Variants in RBM19 observed in about 807,000 individuals in gnomAD.
RBM19 encodes the protein probable RNA-binding protein 19.
In RBM19, 94 loss-of-function variants were observed where a neutral mutation model predicts 116.8. The observed-to-expected ratio is 0.80, with a 90% CI of 0.68 to 0.95. The LOEUF (loss-of-function observed/expected upper bound fraction) is 0.95, where lower values mean the gene tolerates loss of function less well. RBM19 is among the 40% of genes least tolerant of loss of function. The pLI is 0.00. For synonymous variants in RBM19, 475 were observed against 494.1 expected (o/e 0.96, Z 0.51); for missense variants, 1,161 against 1,220.7 (o/e 0.95, Z 0.73).
intron 21 of RBM19, among the ~76,000 whole-genome samples, chr12:113,899,251 C>G (rs1881527003): frequency 6.6e-6 from 1 of 152,214 alleles, no homozygotes; most frequent in African/African-American, 2.4e-5. Flanking sequence ...TAGTTAGCAG[C>G]AGGGCTGGGA....
chr12:113,928,014 T>C (rs1253215554), intron 16 of RBM19, among the ~76,000 whole-genome samples: 1 of 152,208 alleles, frequency 6.6e-6, no homozygotes, highest in African/African-American at 2.4e-5. Flanking sequence ...TATATAACTG[T>C]AATTTTAGAA....
At chr12:113,922,851 A>G (rs1868713308) in intron 18 of RBM19, among the ~76,000 whole-genome samples, 1 of 152,184 alleles carries the variant, frequency 6.6e-6, no homozygotes, top group Non-Finnish European at 1.5e-5. Flanking sequence ...ATGAGGTCAC[A>G]GGCCAGGCGC....
Position 113,944,093 on chromosome 12 carries a change from G to GTTTTTTT in RBM19, c.1627-1666_1627-1660dup, listed in dbSNP as rs71433305. Among the ~76,000 whole-genome samples the GTTTTTTT allele has an allele frequency of 1.0e-3, 69 of 67,652 alleles. 2 individuals are homozygous for GTTTTTTT. The highest frequency in any genetic ancestry group is 4.2e-3 in the African/African-American group (67 of 15,864). 44.4% of individuals were successfully genotyped at this position (67,652 alleles called of 152,430 possible). A position where few individuals can be genotyped will look rare whatever the true frequency, so the allele number is the denominator to read the frequency against. On this transcript the variant is annotated intron_variant, in intron 13 of 23. Coordinates refer to ENST00000261741, the MANE Select transcript of RBM19 (RefSeq NM_016196.4). ...CAGCTGCCTCTAACTCCAGATGCATGTTTTTTTTTTTTTTTTTTTTTTTTG... is the reference window on the plus strand; with the variant it reads ...CAGCTGCCTCTAACTCCAGATGCATGTTTTTTTTTTTTTTTTTTTTTTTTTTTTTTTG...
At chr12:113,920,759 G>A in intron 18 of RBM19, 69 bp from the exon 19 acceptor site, 2 of 1,411,046 alleles carry the variant, frequency 1.4e-6, no homozygotes, top group Non-Finnish European at 1.0e-6. Context: ...CAAGGGCTGT[G>A]ACGGGCCCCC....
chr12:113,939,439 T>G (rs1340450682), intron 15 of RBM19, among the ~76,000 whole-genome samples: 1 of 152,208 alleles, frequency 6.6e-6, no homozygotes, highest in Non-Finnish European at 1.5e-5. Flanking sequence ...GCATGCTTTC[T>G]GGAGGATGGT....
At chr12:113,919,525 C>G (rs1004068774) in intron 19 of RBM19, among the ~76,000 whole-genome samples, 1 of 152,150 alleles carries the variant, frequency 6.6e-6, no homozygotes, top group Admixed American at 6.5e-5. Flanking sequence ...GAGCCGAGAT[C>G]GCGCCACTGC....
chr12:113,927,026 C>T (rs772562771), intron 17 of RBM19, 28 bp downstream of exon 17: 33 of 1,601,122 alleles, frequency 2.1e-5, no homozygotes, highest in Non-Finnish European at 1.6e-5. Context: ...TCCCACGCCC[C>T]TCCCTCCTGG....
At chr12:113,836,591 T>C (rs1875911569) in intron 23 of RBM19, among the ~76,000 whole-genome samples, 1 of 152,044 alleles carries the variant, frequency 6.6e-6, no homozygotes, top group Non-Finnish European at 1.5e-5. Context: ...TGGAGCATAA[T>C]GAGTTACTGT....
chr12:113,832,387 G>A (rs531409707), intron 23 of RBM19, among the ~76,000 whole-genome samples: 4 of 152,000 alleles, frequency 2.6e-5, no homozygotes, highest in African/African-American at 4.8e-5. Context: ...ACAGGGCTTC[G>A]CTGTGTTGGC....
intron 14 of RBM19, 41 bp downstream of exon 14, chr12:113,942,283 C>T: frequency 2.5e-6 from 4 of 1,572,484 alleles, no homozygotes; most frequent in South Asian, 1.1e-5. Flanking sequence ...TCTCGACTCT[C>T]CAGTGGCTGC....
At chr12:113,841,422 CT>C (rs71089416) in intron 23 of RBM19, among the ~76,000 whole-genome samples, 3,353 of 129,970 alleles carry the variant, frequency 0.026, 89 homozygotes, top group African/African-American at 0.086. Flanking sequence ...TTTTTCTTTT[CT>C]TTTTTTTTTT....
chr12:113,885,202 G>A (rs1039896122), intron 21 of RBM19, among the ~76,000 whole-genome samples: 13 of 152,218 alleles, frequency 8.5e-5, no homozygotes, highest in Admixed American at 1.3e-4. Flanking sequence ...AGAAAACCTG[G>A]CTGAAACTAC....
Position 113,861,936 on chromosome 12 carries a change from C to A in RBM19, c.2559-3040G>T, listed in dbSNP as rs116121034. Among the ~76,000 whole-genome samples, 1,089 of 152,174 alleles carry A rather than the reference C, an allele frequency of 7.2e-3. 10 individuals carry two copies. Among genetic ancestry groups the A allele is most frequent in the African/African-American group, 0.021 (874 of 41,510 alleles). On this transcript the variant is annotated intron_variant, in intron 21 of 23. Coordinates refer to ENST00000261741, the MANE Select transcript of RBM19 (RefSeq NM_016196.4). ...AGACATCAGCATGACAAATGAAACG[C>A]CACCCACAAAGACTCTAGAAGCTTC... is the stretch of plus-strand genomic sequence containing the variant.
intron 14 of RBM19, among the ~76,000 whole-genome samples, chr12:113,941,501 A>C (rs939958305): frequency 2.8e-5 from 4 of 143,716 alleles, no homozygotes; most frequent in African/African-American, 1.1e-4. Flanking sequence ...GTGCTTTGGT[A>C]AGTCTTAATA....
chr12:113,966,122 C>A (rs892979988), intron 1 of RBM19, 70 bp downstream of exon 1: 9 of 1,596,270 alleles, frequency 5.6e-6, no homozygotes, highest in Non-Finnish European at 7.7e-6. Context: ...CACCTCCAGG[C>A]ATCTCTTCCC....
chr12:113,945,983 C>G, intron 12 of RBM19, 59 bp from the exon 13 acceptor site: 4 of 1,436,002 alleles, frequency 2.8e-6, no homozygotes, highest in Non-Finnish European at 3.9e-6. Flanking sequence ...GGAACTCGTT[C>G]TCAGACACGA....
chr12:113,955,817 C>T (rs913984177), intron 6 of RBM19, among the ~76,000 whole-genome samples: 11 of 152,296 alleles, frequency 7.2e-5, no homozygotes, highest in South Asian at 4.1e-4. Context: ...CTTGTCCATG[C>T]GTTGCAGAAA....
chr12:113,881,245 G>A (rs1475568153), intron 21 of RBM19, among the ~76,000 whole-genome samples: 1 of 152,082 alleles, frequency 6.6e-6, no homozygotes, highest in Non-Finnish European at 1.5e-5. Flanking sequence ...CCATGATACG[G>A]CCGTTGTGGT....
intron 21 of RBM19, among the ~76,000 whole-genome samples, chr12:113,883,677 T>C (rs1328294666): frequency 6.6e-6 from 1 of 152,162 alleles, no homozygotes; most frequent in Non-Finnish European, 1.5e-5. Context: ...CTGATCAGCG[T>C]TGAGCTGGGA....
Sources: allele counts gnomAD v4.1 joint callset (sites outside exome capture counted in the v4.1 genomes callset), GRCh38; gene constraint gnomAD v4.1.1; transcripts MANE v1.5; gene names NCBI Gene and HGNC (gene_info 2026-07-23, HGNC 2026-07-21).